The following RGS9 variants were observed in gnomAD, a reference collection of about 807,000 sequenced individuals.
RGS9 encodes the protein regulator of G protein signaling 9.
Under a neutral mutation model 102.0 loss-of-function variants are expected in RGS9, and 78 were observed. That is an observed-to-expected ratio of 0.76 (90% CI 0.64 to 0.92). RGS9 has a LOEUF of 0.92. RGS9 is among the 40% of genes least tolerant of loss of function. RGS9 has a pLI of 0.00. For missense variants in RGS9, 833 were observed against 866.1 expected, an observed-to-expected ratio of 0.96 and a Z score of 0.48; for synonymous variants, 353 against 318.6, an observed-to-expected ratio of 1.11 and a Z score of -1.15.
chr17:65,184,108 G>A (rs1268906577), intron 9 of RGS9, among the ~76,000 whole-genome samples: 4 of 152,194 alleles, frequency 2.6e-5, no homozygotes, highest in African/African-American at 9.7e-5. Context: ...GGGAAGTTGT[G>A]TGTGAATGCC....
intron 9 of RGS9, among the ~76,000 whole-genome samples, chr17:65,180,593 G>A (rs546671103): frequency 3.3e-5 from 5 of 152,180 alleles, no homozygotes; most frequent in South Asian, 2.1e-4. Context: ...CAGGTGATCC[G>A]CCCATCTTGG....
intron 17 of RGS9, among the ~76,000 whole-genome samples, chr17:65,219,499 C>T (rs573574838): frequency 1.2e-4 from 18 of 152,268 alleles, no homozygotes; most frequent in South Asian, 2.1e-4. Context: ...TCTATTATGC[C>T]GTGTCCTTAG....
At chr17:65,201,221 G>A (rs1007620502) in intron 13 of RGS9, among the ~76,000 whole-genome samples, 1 of 152,126 alleles carries the variant, frequency 6.6e-6, no homozygotes, top group African/African-American at 2.4e-5. Context: ...ACCTCTGGAC[G>A]CTGCAGGTTA....
At chr17:65,153,578 C>T in intron 2 of RGS9, 60 bp downstream of exon 2, 1 of 1,330,792 alleles carries the variant, frequency 7.5e-7, no homozygotes, top group Non-Finnish European at 1.1e-6. Context: ...CAATACGGCC[C>T]ACCTCCTGTG....
At chr17:65,214,608 G>A (rs868191778) in intron 17 of RGS9, among the ~76,000 whole-genome samples, 6 of 152,250 alleles carry the variant, frequency 3.9e-5, no homozygotes, top group Non-Finnish European at 8.8e-5. Flanking sequence ...TGTGGGCAGA[G>A]CCCAGGCACG....
chr17:65,219,874 C>T (rs1913641993), intron 17 of RGS9, among the ~76,000 whole-genome samples: 1 of 151,266 alleles, frequency 6.6e-6, no homozygotes, highest in African/African-American at 2.4e-5. Context: ...CACCATCATA[C>T]CATCATCACC....
rs992702632 is a variant in RGS9 at position 65,137,439 on chromosome 17, G to T, written c.-102G>T. ...CTCCCCGCCCAGCCGCCTCCCCGTCGACGCCCAGGGCTGGGGCGAGCCAGG... is the reference window on the plus strand; with the variant it reads ...CTCCCCGCCCAGCCGCCTCCCCGTCTACGCCCAGGGCTGGGGCGAGCCAGG... On this transcript the variant is annotated 5_prime_UTR_variant, in exon 1 of 19. Coordinates refer to ENST00000262406, the MANE Select transcript of RGS9 (RefSeq NM_003835.4). 74 of 1,224,224 alleles carry T rather than the reference G, an allele frequency of 6.0e-5. No homozygotes were observed. Among genetic ancestry groups the T allele is most frequent in the African/African-American group, 3.0e-5 (2 of 67,330 alleles). 75.8% of individuals were successfully genotyped at this position (1,224,224 alleles called of 1,614,324 possible).
At chr17:65,184,326 A>G (rs1012189699) in intron 9 of RGS9, among the ~76,000 whole-genome samples, 2 of 152,176 alleles carry the variant, frequency 1.3e-5, no homozygotes, top group Non-Finnish European at 2.9e-5. Flanking sequence ...TGAATTTCAG[A>G]TAAGCAATGA....
intron 4 of RGS9, 64 bp from the exon 5 acceptor site, chr17:65,160,472 A>G: frequency 6.2e-7 from 1 of 1,601,870 alleles, no homozygotes; most frequent in South Asian, 1.1e-5. Flanking sequence ...CTTTAGTCAC[A>G]GGGTTGGGGT....
At chr17:65,220,074 A>C (rs1913652360) in intron 17 of RGS9, among the ~76,000 whole-genome samples, 1 of 151,908 alleles carries the variant, frequency 6.6e-6, no homozygotes. Flanking sequence ...CATCACCACC[A>C]TCCTCACCAT....
chr17:65,162,321 G>T (rs1041970614), intron 6 of RGS9, among the ~76,000 whole-genome samples: 11 of 152,096 alleles, frequency 7.2e-5, no homozygotes, highest in Non-Finnish European at 1.5e-4. Flanking sequence ...GTTTGAGGCT[G>T]CAGTGAGCTA....
At chr17:65,183,115 C>A (rs969168395) in intron 9 of RGS9, among the ~76,000 whole-genome samples, 1 of 92,340 alleles carries the variant, frequency 1.1e-5, no homozygotes, top group South Asian at 2.6e-4. Flanking sequence ...TATCTACCTA[C>A]CTACCTACAT....
chr17:65,144,224 A>G (rs1017743626), intron 1 of RGS9, among the ~76,000 whole-genome samples: 1 of 152,140 alleles, frequency 6.6e-6, no homozygotes, highest in Non-Finnish European at 1.5e-5. Context: ...CACTTTTCCC[A>G]TCTTTGTATA....
chr17:65,200,400 C>A (rs1912785105), intron 13 of RGS9, among the ~76,000 whole-genome samples: 1 of 152,200 alleles, frequency 6.6e-6, no homozygotes, highest in African/African-American at 2.4e-5. Flanking sequence ...TTCATCCATT[C>A]TTTTATCGAT....
chr17:65,202,452 A>T (rs879717097), intron 14 of RGS9, among the ~76,000 whole-genome samples: 3,794 of 137,812 alleles, frequency 0.028, 45 homozygotes, highest in Non-Finnish European at 0.034. Context: ...TGTGAGAGAG[A>T]GAGAGAGAGA....
At chr17:65,207,458 A>G (rs537182272) in intron 15 of RGS9, among the ~76,000 whole-genome samples, 1 of 152,368 alleles carries the variant, frequency 6.6e-6, no homozygotes, top group Non-Finnish European at 1.5e-5. Flanking sequence ...GTCTCCATAC[A>G]TGACCAGCTG....
At chr17:65,163,472 G>A (rs1412842117) in intron 7 of RGS9, among the ~76,000 whole-genome samples, 8 of 152,080 alleles carry the variant, frequency 5.3e-5, no homozygotes, top group African/African-American at 1.7e-4. Flanking sequence ...GATTACAGGC[G>A]TGAACCACTG....
In RGS9 at chr17:65,173,165, G is replaced by A. The variant is rs1023253099; in HGVS notation, c.583-4567G>A. ...TCTCGAACTCCTGACCTCATGATCTGCCGGCCTCAGGCTTTCAAAGTGCTG... is the reference window on the plus strand; with the variant it reads ...TCTCGAACTCCTGACCTCATGATCTACCGGCCTCAGGCTTTCAAAGTGCTG... On this transcript the variant is annotated intron_variant, in intron 8 of 18. Coordinates refer to ENST00000262406, the MANE Select transcript of RGS9 (RefSeq NM_003835.4). This position sits in a 1 kb window ranked among gnomAD's most constrained non-coding sequence, Gnocchi z 4.8. Among the ~76,000 whole-genome samples the A allele has an allele frequency of 2.0e-5, 3 of 151,926 alleles. No homozygotes were observed. Among genetic ancestry groups the A allele is most frequent in the Non-Finnish European group, 2.9e-5 (2 of 67,980 alleles).
intron 13 of RGS9, 108 bp from the exon 14 acceptor site, chr17:65,201,885 C>A: frequency 1.3e-6 from 1 of 770,654 alleles, no homozygotes; most frequent in Non-Finnish European, 2.3e-6. Context: ...GTTCACTGAG[C>A]TGGGAAATGG....
Sources: gnomAD v4.1 joint callset for allele counts (sites outside exome capture counted in the v4.1 genomes callset) on GRCh38, gnomAD v4.1.1 for gene constraint, Gnocchi (gnomAD v3.1) non-coding constraint, MANE v1.5 for transcripts, NCBI Gene and HGNC (gene_info 2026-07-23, HGNC 2026-07-21) for gene names.